Variants in ARPC1B observed in about 807,000 individuals in gnomAD.
ARPC1B encodes actin related protein 2/3 complex subunit 1B, also known as actin-related protein 2/3 complex subunit 1B.
Under a neutral mutation model 46.0 loss-of-function variants are expected in ARPC1B, and 29 were observed. That is an observed-to-expected ratio of 0.63 (90% confidence interval 0.47 to 0.86). The LOEUF (loss-of-function observed/expected upper bound fraction) is 0.86, where lower values mean the gene tolerates loss of function less well. ARPC1B is among the 40% of genes least tolerant of loss of function. The pLI is 0.00. For synonymous variants in ARPC1B, 201 were observed against 213.9 expected (o/e 0.94, Z 0.53); for missense variants, 469 against 529.4 (o/e 0.89, Z 1.12).
intron 1 of ARPC1B, among the ~76,000 whole-genome samples, chr7:99,383,087 C>T (rs192140024): frequency 4.1e-4 from 63 of 152,144 alleles, no homozygotes; most frequent in African/African-American, 1.3e-3. Flanking sequence ...TCAGGTGATC[C>T]GCCCGCCTCG....
At chr7:99,385,415 C>T (rs989615390) in intron 1 of ARPC1B, among the ~76,000 whole-genome samples, 4 of 152,086 alleles carry the variant, frequency 2.6e-5, no homozygotes, top group African/African-American at 9.7e-5. Context: ...GGAGCATCTC[C>T]CCTGTAGTAC....
chr7:99,386,347 G>T (rs1031056878), intron 2 of ARPC1B: 11 of 475,334 alleles, frequency 2.3e-5, no homozygotes, highest in Admixed American at 1.1e-4. Context: ...AGACCCAGAG[G>T]GGGAGAGGAA....
In ARPC1B at chr7:99,394,118, A is replaced by T. The variant is rs762754496; in HGVS notation, c.1079A>T (p.Lys360Met). 3 of 1,613,360 alleles carry T rather than the reference A, an allele frequency of 1.9e-6. No individual in the cohort carries two copies. In the South Asian group the frequency reaches 3.3e-5, roughly 18 times the overall value. Residue 360 changes from lysine to methionine, a missense_variant and splice_region_variant, in exon 9 of 10, where the codon AAG becomes ATG. Coordinates refer to ENST00000646101, the MANE Select transcript of ARPC1B (RefSeq NM_005720.4). ...GGCGGCATGAGTATCTGGGATGTGA[A>T]GGTGAGGCTTGCCCCTCCTGGCTTC... is the stretch of plus-strand genomic sequence containing the variant. ...MDGGMSIWDV[K>M]SLESALKDLK...
chr7:99,393,860 G>A (rs984210863), intron 8 of ARPC1B, among the ~76,000 whole-genome samples, 169 bp from the exon 9 acceptor site: 1 of 152,038 alleles, frequency 6.6e-6, no homozygotes, highest in African/African-American at 2.4e-5. Flanking sequence ...CCTGCACCTC[G>A]CATGCCACTG....
At chr7:99,382,264 CCT>C (rs1274703575) in intron 1 of ARPC1B, among the ~76,000 whole-genome samples, 3 of 151,964 alleles carry the variant, frequency 2.0e-5, no homozygotes, top group Admixed American at 2.0e-4. Flanking sequence ...ATGGTGAAAC[CCT>C]GTCTCTACTA....
At chr7:99,382,255 T>C (rs948550891) in intron 1 of ARPC1B, among the ~76,000 whole-genome samples, 1 of 151,984 alleles carries the variant, frequency 6.6e-6, no homozygotes, top group Non-Finnish European at 1.5e-5. Context: ...CTGGCCAACA[T>C]GGTGAAACCC....
chr7:99,375,916 C>T (rs1311835533), intron 1 of ARPC1B, among the ~76,000 whole-genome samples: 1 of 151,216 alleles, frequency 6.6e-6, no homozygotes, highest in Non-Finnish European at 1.5e-5. Context: ...ACAAAAATTA[C>T]CCAGGCATGG....
intron 1 of ARPC1B, 102 bp from the exon 2 acceptor site, chr7:99,385,600 C>CACA: frequency 9.8e-7 from 1 of 1,024,858 alleles, no homozygotes; most frequent in Non-Finnish European, 1.5e-6. Context: ...TGAGGGGCCT[C>CACA]CCTGGTGTGA....
chr7:99,385,849 T>C (rs1794376378), intron 2 of ARPC1B, 71 bp downstream of exon 2: 2 of 1,483,258 alleles, frequency 1.3e-6, no homozygotes, highest in Admixed American at 1.9e-5. Context: ...AGAGCACACA[T>C]GGGGACTCTG....
At chr7:99,384,742 G>A (rs1046472766) in intron 1 of ARPC1B, among the ~76,000 whole-genome samples, 5 of 152,084 alleles carry the variant, frequency 3.3e-5, no homozygotes, top group Admixed American at 6.6e-5. Flanking sequence ...CCTGCAGACC[G>A]GCCACCTCCC....
In ARPC1B at chr7:99,388,189, A is replaced by G. The variant is rs778747609; in HGVS notation, c.320A>G (p.Asn107Ser). 14 of 1,614,104 alleles carry G rather than the reference A, an allele frequency of 8.7e-6. No individual in the cohort carries two copies. The highest frequency in any genetic ancestry group is 2.7e-5 in the African/African-American group (2 of 74,954). Residue 107 changes from asparagine (N) to serine (S), a missense_variant, in exon 4 of 10, where the codon AAC becomes AGC. Asn to Ser is a conservative substitution (Grantham distance 46, BLOSUM62 1). Transcript: ENST00000646101. ...GCCCGCTGCGTGCGCTGGGCCCCCA[A>G]CGAGAACAAGTTTGCTGTGGGCAGC... ...RAARCVRWAP[N>S]ENKFAVGSGS...
At position 99,374,879 on chromosome 7, in the gene ARPC1B, C is replaced by A. The variant is rs547901598; in HGVS notation, c.-14+98C>A. 1.4e-3 allele frequency: 204 copies of A among 147,318 alleles called. 2 individuals are homozygous for A. The highest frequency in any genetic ancestry group is 0.011 in the Middle Eastern group (3 of 284). The allele number at this position is 147,318 out of a possible 1,614,324, so 9.1% of individuals were successfully genotyped here. On this transcript the variant is annotated intron_variant, in intron 1 of 9. Transcript: ENST00000646101. This position sits in a 1 kb window ranked among gnomAD's most constrained non-coding sequence, Gnocchi z 5.0. Reference sequence around the variant, plus strand: ...GGGCGCCGCCTGGGAGTGAGCGGGACTGGAGGGATGAGAGGGGGTGCAAGG... The same window carrying A: ...GGGCGCCGCCTGGGAGTGAGCGGGAATGGAGGGATGAGAGGGGGTGCAAGG...
chr7:99,392,885 G>T lies in ARPC1B; in HGVS notation c.989+9G>T, dbSNP rs759317512. On this transcript the variant is annotated intron_variant, in intron 8 of 9. Coordinates refer to ENST00000646101, the MANE Select transcript of ARPC1B (RefSeq NM_005720.4). Reference sequence around the variant, plus strand: ...CACAAGAACAGCGTCAGGTGAGAGCGGGAGCCGGGCCGGCGGGTGGGCGGG... The same window carrying T: ...CACAAGAACAGCGTCAGGTGAGAGCTGGAGCCGGGCCGGCGGGTGGGCGGG... 16 of 1,530,676 alleles carry T rather than the reference G, an allele frequency of 1.0e-5. No individual in the cohort carries two copies. The highest frequency in any genetic ancestry group is 2.4e-5 in the South Asian group (2 of 83,172). 94.8% of individuals were successfully genotyped at this position (1,530,676 alleles called of 1,614,324 possible).
intron 5 of ARPC1B, 117 bp from the exon 6 acceptor site, chr7:99,390,776 C>A: frequency 1.2e-6 from 1 of 820,034 alleles, no homozygotes; most frequent in Non-Finnish European, 1.9e-6. Context: ...CAGCTCACTG[C>A]AGCCTTGACC....
At chr7:99,377,610 G>GCTTCTTCTT (rs34058988) in intron 1 of ARPC1B, among the ~76,000 whole-genome samples, 1 of 150,240 alleles carries the variant, frequency 6.7e-6, no homozygotes, top group Non-Finnish European at 1.5e-5. Context: ...ACCGCGCCCA[G>GCTTCTTCTT]CTTCTTCTTC....
Position 99,386,794 on chromosome 7 carries a change from G to A in ARPC1B, c.169+5G>A, listed in dbSNP as rs769704851. ...AGCACAACGGGCAGGTGACAGGTAT[G>A]TCAGGGTGGCTGGGACCACCGTCCT... On this transcript the variant is annotated splice_donor_5th_base_variant and intron_variant, in intron 3 of 9. Coordinates refer to ENST00000646101, the MANE Select transcript of ARPC1B (RefSeq NM_005720.4). 2.0e-5 allele frequency: 32 copies of A among 1,611,492 alleles called. No homozygotes were observed. The Admixed American group carries it at 5.0e-4, about 25-fold the overall frequency.
intron 1 of ARPC1B, 23 bp from the exon 2 acceptor site, chr7:99,385,677 TTC>T: frequency 1.3e-6 from 2 of 1,594,396 alleles, no homozygotes; most frequent in Non-Finnish European, 1.7e-6. Flanking sequence ...CTGACGTGGA[TTC>T]TCTCTTCCTC....
intron 1 of ARPC1B, among the ~76,000 whole-genome samples, chr7:99,375,060 G>C (rs1004886406): frequency 1.3e-5 from 2 of 151,334 alleles, no homozygotes; most frequent in African/African-American, 4.9e-5. Flanking sequence ...GGGGGCGCGG[G>C]GGTGGCCGCA....
chr7:99,380,183 G>A (rs1437664479), intron 1 of ARPC1B, among the ~76,000 whole-genome samples: 1 of 152,174 alleles, frequency 6.6e-6, no homozygotes, highest in Non-Finnish European at 1.5e-5. Flanking sequence ...GTAGGTGAGA[G>A]GTTTTCCTGA....
Sources: allele counts gnomAD v4.1 joint callset (sites outside exome capture counted in the v4.1 genomes callset), GRCh38; gene constraint gnomAD v4.1.1; non-coding constraint Gnocchi (gnomAD v3.1); transcripts MANE v1.5; gene names NCBI Gene and HGNC (gene_info 2026-07-23, HGNC 2026-07-21).